Variants in POT1 observed in about 807,000 individuals in gnomAD.
POT1 encodes protection of telomeres protein 1.
Under a neutral mutation model 78.5 loss-of-function variants are expected in POT1, and 47 were observed. That is an observed-to-expected ratio of 0.60 (90% CI 0.47 to 0.76). POT1 has a LOEUF of 0.76. Among genes scored for constraint, POT1 ranks in the 30% least tolerant of loss-of-function variants. POT1 has a pLI of 0.00. For synonymous variants in POT1, 259 were observed against 260.7 expected, an observed-to-expected ratio of 0.99 and a Z score of 0.06; for missense variants, 646 against 749.9, an observed-to-expected ratio of 0.86 and a Z score of 1.62.
In POT1 at chr7:124,870,927, C is replaced by T. The variant is rs868664738; in HGVS notation, c.239G>A (p.Arg80His). Reference sequence around the variant, plus strand: ...GAATTATACCTTCAGCCTGTGAAAGCGAACAATATCTCCATTTTTATAAAT... The same window carrying T: ...GAATTATACCTTCAGCCTGTGAAAGTGAACAATATCTCCATTTTTATAAAT... Reference protein sequence around the residue: ...PIIYKNGDIVRFHRLKIQVYK... With the variant: ...PIIYKNGDIVHFHRLKIQVYK... The change falls in exon 7 of 19, where the codon CGC becomes CAC. Residue 80 changes from arginine (R) to histidine (H), a missense_variant. Physicochemically the swap from Arg to His is conservative, Grantham distance 29. Coordinates refer to ENST00000357628, the MANE Select transcript of POT1 (RefSeq NM_015450.3). The T allele has an allele frequency of 6.2e-6, 10 of 1,605,528 alleles. No homozygotes were observed. Among genetic ancestry groups the T allele is most frequent in the Admixed American group, 1.7e-5 (1 of 59,104 alleles).
At chr7:124,855,231 A>C (rs1265699011) in intron 9 of POT1, among the ~76,000 whole-genome samples, 1 of 149,722 alleles carries the variant, frequency 6.7e-6, no homozygotes, top group African/African-American at 2.4e-5. Context: ...AAAAAAAAAA[A>C]AAAAAAAAAA....
chr7:124,901,934 A>T (rs562771163), intron 3 of POT1, among the ~76,000 whole-genome samples: 26 of 152,316 alleles, frequency 1.7e-4, no homozygotes, highest in Non-Finnish European at 3.4e-4. Flanking sequence ...CAGTGACTGA[A>T]GATCAAATGA....
chr7:124,827,946 T>C (rs984650880), intron 16 of POT1, among the ~76,000 whole-genome samples: 3 of 151,902 alleles, frequency 2.0e-5, no homozygotes, highest in African/African-American at 7.3e-5. Flanking sequence ...GGCATGAGAA[T>C]TGCTTGAACC....
intron 6 of POT1, among the ~76,000 whole-genome samples, chr7:124,875,129 TC>T (rs1199350519): frequency 1.3e-5 from 2 of 152,122 alleles, no homozygotes; most frequent in Non-Finnish European, 2.9e-5. Flanking sequence ...CTAGTGGTCT[TC>T]CAAAGACCAA....
chr7:124,882,319 T>C (rs1019980998), intron 6 of POT1, among the ~76,000 whole-genome samples: 2 of 152,008 alleles, frequency 1.3e-5, no homozygotes, highest in African/African-American at 2.4e-5. Context: ...ATTCAAGTAA[T>C]ACCTATGAAG....
chr7:124,852,841 G>A (rs1795345505), intron 10 of POT1, 131 bp downstream of exon 10: 2 of 726,484 alleles, frequency 2.8e-6, no homozygotes, highest in Non-Finnish European at 4.4e-6. Context: ...GTTTCATTTG[G>A]CTCATCTATT....
chr7:124,863,542 A>G lies in POT1; in HGVS notation c.354T>C (p.Thr118=). The G allele has an allele frequency of 1.2e-6, 2 of 1,613,916 alleles. No homozygotes were observed. Among genetic ancestry groups the G allele is most frequent in the Non-Finnish European group, 1.7e-6 (2 of 1,179,848 alleles). The part of the protein sequence containing the change: ...GTLGAPIIPR[T]SSKYFNFTTE... ...TAGTGAAGTTAAAATACTTGCTTGA[A>G]GTGCGAGGTATGATAGGGGCTCCCA... is the stretch of plus-strand genomic sequence containing the variant. Residue 118 remains threonine (T), a synonymous_variant, in exon 8 of 19, where the codon ACT becomes ACC. Transcript: ENST00000357628.
chr7:124,850,209 A>T (rs1181443975), intron 11 of POT1, among the ~76,000 whole-genome samples: 1 of 152,254 alleles, frequency 6.6e-6, no homozygotes, highest in Non-Finnish European at 1.5e-5. Context: ...CGAAGTTGTT[A>T]GCATTTTAAA....
chr7:124,865,819 A>T (rs1055022860), intron 7 of POT1, among the ~76,000 whole-genome samples: 1 of 151,640 alleles, frequency 6.6e-6, no homozygotes, highest in African/African-American at 2.4e-5. Context: ...GGATCTTCTC[A>T]CCTCCACTTA....
At chr7:124,870,861 T>C (rs1245171920) in intron 7 of POT1, 50 bp downstream of exon 7, 16 of 1,453,392 alleles carry the variant, frequency 1.1e-5, no homozygotes, top group Non-Finnish European at 1.4e-5. Context: ...CAGTGAACAA[T>C]ACAGAGTTCT....
intron 14 of POT1, 89 bp downstream of exon 14, chr7:124,840,884 G>T: frequency 9.7e-7 from 1 of 1,032,140 alleles, no homozygotes; most frequent in Admixed American, 2.0e-5. Context: ...ATATGTACTA[G>T]GTTGTCTGTA....
Position 124,852,952 on chromosome 7 carries a change from T to G in POT1, c.869+20A>C, listed in dbSNP as rs1257895144. The G allele has an allele frequency of 1.2e-6, 2 of 1,601,852 alleles. No homozygotes were observed. The highest frequency in any genetic ancestry group is 1.7e-6 in the Non-Finnish European group (2 of 1,173,444). ...CTTAATCGATACCTTATTTACATTT[T>G]CTAAATACTAAAAGCTTACTTTTTC... On this transcript the variant is annotated intron_variant, in intron 10 of 18. Transcript: ENST00000357628.
chr7:124,839,794 A>C (rs1682715188), intron 14 of POT1, among the ~76,000 whole-genome samples: 1 of 152,140 alleles, frequency 6.6e-6, no homozygotes, highest in Non-Finnish European at 1.5e-5. Flanking sequence ...AACATCTTGC[A>C]CCAGAGTGGT....
At chr7:124,885,999 T>C (rs144236883) in intron 6 of POT1, among the ~76,000 whole-genome samples, 3 of 152,186 alleles carry the variant, frequency 2.0e-5, no homozygotes, top group African/African-American at 4.8e-5. Flanking sequence ...ACTCCAAAGG[T>C]GAATATGAAC....
intron 15 of POT1, among the ~76,000 whole-genome samples, chr7:124,833,370 C>T (rs1416067320): frequency 1.3e-5 from 2 of 152,106 alleles, no homozygotes; most frequent in Non-Finnish European, 2.9e-5. Flanking sequence ...AGGATTTACA[C>T]ATTATGACAA....
At chr7:124,915,364 T>G (rs953124728) in intron 3 of POT1, among the ~76,000 whole-genome samples, 1 of 152,182 alleles carries the variant, frequency 6.6e-6, no homozygotes, top group African/African-American at 2.4e-5. Flanking sequence ...TACATCTATG[T>G]AACATGTTAA....
At chr7:124,922,610 TTGTTAG>T (rs1797179150) in intron 2 of POT1, among the ~76,000 whole-genome samples, 1 of 151,982 alleles carries the variant, frequency 6.6e-6, no homozygotes, top group Non-Finnish European at 1.5e-5. Context: ...AGGATGTATA[TTGTTAG>T]TACTAGCATA....
intron 7 of POT1, 31 bp downstream of exon 7, chr7:124,870,880 A>G (rs767027657): frequency 6.5e-7 from 1 of 1,534,478 alleles, no homozygotes; most frequent in South Asian, 1.3e-5. Flanking sequence ...CTCTTCAAAT[A>G]AATATAAGTT....
In POT1 at chr7:124,824,053, C is replaced by T. The variant is rs766020213; in HGVS notation, c.1814G>A (p.Cys605Tyr). The T allele has an allele frequency of 6.2e-7, 1 of 1,604,594 alleles. No individual in the cohort carries two copies. The highest frequency in any genetic ancestry group is 8.5e-7 in the Non-Finnish European group (1 of 1,174,270). ...IKIDAYPWLE[C>Y]FIKSYNVTNG... is the part of the protein sequence containing the mutation. ...TGTGACATTGTATGACTTGATGAAG[C>T]ATTCCAACCACGGATATGCATCTAC... The change falls in exon 19 of 19, where the codon TGC (cysteine) becomes TAC (tyrosine). Residue 605 changes from cysteine to tyrosine, a missense_variant. Coordinates refer to ENST00000357628, the MANE Select transcript of POT1 (RefSeq NM_015450.3).
Sources: allele counts gnomAD v4.1 joint callset (sites outside exome capture counted in the v4.1 genomes callset), GRCh38; gene constraint gnomAD v4.1.1; transcripts MANE v1.5; gene names NCBI Gene and HGNC (gene_info 2026-07-23, HGNC 2026-07-21).